Variants in SMAP1 observed in about 807,000 individuals in gnomAD.
SMAP1 encodes small ArfGAP 1.
In SMAP1, 24 loss-of-function variants were observed where a neutral mutation model predicts 58.5. The ratio of observed to expected loss-of-function variants is 0.41; its 90% confidence interval spans 0.30 to 0.58. SMAP1 has a LOEUF of 0.58. Among genes scored for constraint, SMAP1 ranks in the 20% least tolerant of loss-of-function variants. The pLI is 0.29. For synonymous variants in SMAP1, 216 were observed against 196.6 expected, an observed-to-expected ratio of 1.10 and a Z score of -0.82; for missense variants, 563 against 566.3, an observed-to-expected ratio of 0.99 and a Z score of 0.06.
chr6:70,730,014 A>G (rs1765360897), intron 1 of SMAP1, among the ~76,000 whole-genome samples: 1 of 152,160 alleles, frequency 6.6e-6, no homozygotes. Flanking sequence ...TTAGGGTTTG[A>G]GAGACACTGA....
chr6:70,846,454 G>A (rs1368093778), intron 7 of SMAP1, among the ~76,000 whole-genome samples: 1 of 152,132 alleles, frequency 6.6e-6, no homozygotes, highest in Non-Finnish European at 1.5e-5. Context: ...CTGGAGTACT[G>A]GGGCATGCCT....
intron 1 of SMAP1, among the ~76,000 whole-genome samples, chr6:70,685,068 A>T (rs919275813): frequency 4.3e-4 from 65 of 152,164 alleles, no homozygotes; most frequent in African/African-American, 1.5e-3. Flanking sequence ...TTGTGAAGTA[A>T]TGTCTGGCAC....
intron 6 of SMAP1, among the ~76,000 whole-genome samples, chr6:70,805,514 A>T (rs1394140850): frequency 2.0e-5 from 3 of 152,170 alleles, no homozygotes. Context: ...CAACTCGTCA[A>T]AGTCATTCTG....
chr6:70,783,713 C>T (rs1175590007), intron 4 of SMAP1, among the ~76,000 whole-genome samples: 2 of 151,560 alleles, frequency 1.3e-5, no homozygotes, highest in South Asian at 2.1e-4. Flanking sequence ...TGATGGAAGA[C>T]GAAATGAATG....
At chr6:70,738,457 GAA>G (rs11306206) in intron 2 of SMAP1, among the ~76,000 whole-genome samples, 1,626 of 132,834 alleles carry the variant, frequency 0.012, 24 homozygotes, top group African/African-American at 0.04. Flanking sequence ...TTTCTATTAA[GAA>G]AAAAAAAAAA....
At chr6:70,841,476 C>G (rs1770804279) in intron 7 of SMAP1, among the ~76,000 whole-genome samples, 1 of 113,390 alleles carries the variant, frequency 8.8e-6, no homozygotes, top group Non-Finnish European at 1.8e-5. Context: ...TAATGAAAAT[C>G]TAGCTCAGGG....
chr6:70,774,865 T>C (rs1481296315), intron 4 of SMAP1, among the ~76,000 whole-genome samples: 1 of 151,208 alleles, frequency 6.6e-6, no homozygotes, highest in East Asian at 1.9e-4. Flanking sequence ...ATACAAAAAT[T>C]AGCTGGGCCC....
At chr6:70,821,789 G>GTAAT (rs1265764467) in intron 6 of SMAP1, among the ~76,000 whole-genome samples, 6 of 152,156 alleles carry the variant, frequency 3.9e-5, no homozygotes, top group Non-Finnish European at 8.8e-5. Context: ...CGCCAGAGAT[G>GTAAT]TAATAGCTTT....
intron 7 of SMAP1, among the ~76,000 whole-genome samples, chr6:70,838,862 G>T (rs984316495): frequency 2.6e-5 from 4 of 152,216 alleles, no homozygotes; most frequent in Admixed American, 2.0e-4. Context: ...AAGAATTATT[G>T]TGGCGGTTGT....
chr6:70,686,604 TTCTTA>T (rs1766944701), intron 1 of SMAP1, among the ~76,000 whole-genome samples: 2 of 152,346 alleles, frequency 1.3e-5, no homozygotes, highest in South Asian at 2.1e-4. Flanking sequence ...CACATTTGCT[TTCTTA>T]TCTTACAGAA....
At chr6:70,677,616 C>T (rs946213502) in intron 1 of SMAP1, among the ~76,000 whole-genome samples, 15 of 151,370 alleles carry the variant, frequency 9.9e-5, no homozygotes, top group African/African-American at 3.1e-4. Flanking sequence ...GACGGGGTTT[C>T]GCCGCATACC....
At chr6:70,824,400 G>A (rs1342660018) in intron 6 of SMAP1, among the ~76,000 whole-genome samples, 2 of 152,078 alleles carry the variant, frequency 1.3e-5, no homozygotes, top group African/African-American at 2.4e-5. Flanking sequence ...ATGAAAATTA[G>A]AGACCTCTTG....
At chr6:70,850,176 G>A in intron 7 of SMAP1, among the ~76,000 whole-genome samples, 1 of 152,192 alleles carries the variant, frequency 6.6e-6, no homozygotes, top group South Asian at 2.1e-4. Context: ...AAAGTAATAA[G>A]ACATAGCATT....
intron 10 of SMAP1, chr6:70,859,406 T>A: frequency 1.3e-6 from 2 of 1,547,860 alleles, no homozygotes. Flanking sequence ...GGTTAAAATG[T>A]CCTTTAGTAG....
At chr6:70,833,462 TG>T (rs755785003) in intron 6 of SMAP1, among the ~76,000 whole-genome samples, 1 of 152,254 alleles carries the variant, frequency 6.6e-6, no homozygotes, top group Non-Finnish European at 1.5e-5. Context: ...TTTTTTGATT[TG>T]TGGGACAACC....
At chr6:70,724,280 T>A (rs1768666824) in intron 1 of SMAP1, among the ~76,000 whole-genome samples, 1 of 152,018 alleles carries the variant, frequency 6.6e-6, no homozygotes, top group South Asian at 2.1e-4. Flanking sequence ...CACTGCAACC[T>A]TTGCCTCCTG....
chr6:70,790,661 C>CT (rs1768309950), intron 4 of SMAP1, among the ~76,000 whole-genome samples: 1 of 152,110 alleles, frequency 6.6e-6, no homozygotes, highest in South Asian at 2.1e-4. Flanking sequence ...AGTTTATAGT[C>CT]TTGTGTTGTG....
intron 6 of SMAP1, among the ~76,000 whole-genome samples, chr6:70,832,425 T>A (rs866016280): frequency 7.2e-5 from 11 of 152,318 alleles, no homozygotes; most frequent in Non-Finnish European, 1.2e-4. Flanking sequence ...AAAATTTTTT[T>A]AAAAAACATT....
chr6:70,832,071 T>C (rs1336610186), intron 6 of SMAP1, among the ~76,000 whole-genome samples: 1 of 152,216 alleles, frequency 6.6e-6, no homozygotes, highest in Admixed American at 6.5e-5. Context: ...TGTTTTCTTT[T>C]GAAAAGCGCT....
Sources: gnomAD v4.1 joint callset for allele counts (sites outside exome capture counted in the v4.1 genomes callset) on GRCh38, gnomAD v4.1.1 for gene constraint, MANE v1.5 for transcripts, NCBI Gene and HGNC (gene_info 2026-07-23, HGNC 2026-07-21) for gene names.